Variants in AKAP12 observed in about 807,000 individuals in gnomAD.
The protein encoded by AKAP12 is A-kinase anchoring protein 12.
A neutral mutation model predicts 79.9 loss-of-function variants in AKAP12; 32 were observed. That is an observed-to-expected ratio of 0.40 (90% CI 0.30 to 0.54). AKAP12 has a LOEUF of 0.54. AKAP12 is among the 20% of genes least tolerant of loss of function. AKAP12 has a pLI of 0.48. For missense variants in AKAP12, 2,074 were observed against 2,177.0 expected (o/e 0.95, Z 0.94); for synonymous variants, 808 against 857.0 (o/e 0.94, Z 1.00).
chr6:151,334,869 CGCCTCG>C (rs764756433), intron 3 of AKAP12, among the ~76,000 whole-genome samples: 5 of 151,984 alleles, frequency 3.3e-5, no homozygotes, highest in Non-Finnish European at 5.9e-5. Context: ...GTGATCTGCC[CGCCTCG>C]GCCTCCTAGA....
chr6:151,324,218 A>G lies in AKAP12; in HGVS notation c.319+18315A>G, dbSNP rs1010920138. 3.7e-5 allele frequency: 36 copies of G among 985,356 alleles called. No individual in the cohort carries two copies. The African/African-American group carries it at 5.2e-4, about 14-fold the overall frequency. 61.0% of individuals were successfully genotyped at this position (985,356 alleles called of 1,614,324 possible). On this transcript the variant is annotated intron_variant, in intron 3 of 4. Transcript: ENST00000402676. ...AGCTCAGTGGCTGGGTCTGGGAGTC[A>G]GCTTCCAGGCAATATCTCACTGAGT...
rs2092357482 is a variant in AKAP12, at chr6:151,356,230, CAG to C, written c.*519_*520del. 6.6e-6 allele frequency: 1 copy of C among 152,572 alleles called. No homozygotes were observed. The highest frequency in any genetic ancestry group is 2.1e-4 in the South Asian group (1 of 4,830). 9.5% of individuals were successfully genotyped at this position (152,572 alleles called of 1,614,324 possible). ...CCTCAGTTATATAACCCACGAAAAA[CAG>C]AGCCTCCTAGATGTAACATTCCTGA... On this transcript the variant is annotated 3_prime_UTR_variant, in exon 5 of 5. Transcript: ENST00000402676.
At chr6:151,354,663 C>T (rs1023352231) in intron 4 of AKAP12, among the ~76,000 whole-genome samples, 3 of 151,974 alleles carry the variant, frequency 2.0e-5, no homozygotes, top group Non-Finnish European at 4.4e-5. Flanking sequence ...TGAGCCACCA[C>T]GCCCAGCCCT....
chr6:151,339,663 A>T (rs929454930), intron 3 of AKAP12, among the ~76,000 whole-genome samples: 1 of 152,150 alleles, frequency 6.6e-6, no homozygotes, highest in Non-Finnish European at 1.5e-5. Context: ...GGGCCAATAC[A>T]TAATGATGTG....
In AKAP12 at chr6:151,281,095, G is replaced by A. The variant is rs117799773; in HGVS notation, c.163-24652G>A. On this transcript the variant is annotated intron_variant, in intron 2 of 4. Transcript: ENST00000402676. ...GCTTTCATCCTGTTATTTCCTTAGG[G>A]TAAACATCTAGGCTTCATGCAAAGT... Among the ~76,000 whole-genome samples, 714 of 152,220 alleles carry A rather than the reference G, an allele frequency of 4.7e-3. 20 individuals are homozygous for A. In the East Asian group the frequency reaches 0.095, roughly 20 times the overall value.
chr6:151,254,256 A>G (rs1043983168), intron 2 of AKAP12, among the ~76,000 whole-genome samples: 12 of 152,216 alleles, frequency 7.9e-5, no homozygotes, highest in Non-Finnish European at 2.9e-5. Context: ...TAATGTGGGC[A>G]AAAACCCAGT....
chr6:151,309,681 G>C (rs184979530), intron 3 of AKAP12, among the ~76,000 whole-genome samples: 1 of 152,118 alleles, frequency 6.6e-6, no homozygotes, highest in Non-Finnish European at 1.5e-5. Context: ...ATTTGGGGAG[G>C]GGGCTTGATT....
chr6:151,322,831 G>A (rs112406305), intron 3 of AKAP12, among the ~76,000 whole-genome samples: 5 of 151,416 alleles, frequency 3.3e-5, no homozygotes, highest in South Asian at 2.1e-4. Context: ...GGTGTTTTGC[G>A]TAATAAATAT....
chr6:151,290,572 T>C (rs1258546102), intron 2 of AKAP12, among the ~76,000 whole-genome samples: 2 of 150,916 alleles, frequency 1.3e-5, no homozygotes, highest in Non-Finnish European at 2.9e-5. Context: ...TCCTCTCCCA[T>C]CCCCCTCACT....
chr6:151,327,366 G>A (rs1322477760), intron 3 of AKAP12, among the ~76,000 whole-genome samples: 1 of 151,828 alleles, frequency 6.6e-6, no homozygotes, highest in Non-Finnish European at 1.5e-5. Flanking sequence ...GCCATATCTC[G>A]AAACTATTAA....
chr6:151,344,619 T>C (rs1017600174), intron 3 of AKAP12, among the ~76,000 whole-genome samples: 8 of 151,568 alleles, frequency 5.3e-5, no homozygotes, highest in Admixed American at 4.6e-4. Flanking sequence ...CTGCAACCTC[T>C]GCCTCCCATG....
intron 3 of AKAP12, among the ~76,000 whole-genome samples, chr6:151,338,855 G>A (rs1437085888): frequency 6.6e-6 from 1 of 152,180 alleles, no homozygotes; most frequent in African/African-American, 2.4e-5. Flanking sequence ...ATGTTAAGGT[G>A]TTTTCCAATT....
intron 3 of AKAP12, among the ~76,000 whole-genome samples, chr6:151,315,948 G>A (rs766991570): frequency 1.4e-4 from 22 of 152,164 alleles, no homozygotes; most frequent in Admixed American, 5.9e-4. Context: ...CATGAGAACA[G>A]CATGAGGGTA....
chr6:151,254,158 G>A (rs1197691181), intron 2 of AKAP12, among the ~76,000 whole-genome samples: 4 of 152,144 alleles, frequency 2.6e-5, no homozygotes, highest in African/African-American at 7.2e-5. Flanking sequence ...CACTACAAAA[G>A]TTTACTAAAT....
intron 2 of AKAP12, among the ~76,000 whole-genome samples, chr6:151,271,566 C>T (rs541080046): frequency 1.3e-5 from 2 of 152,230 alleles, no homozygotes; most frequent in African/African-American, 4.8e-5. Flanking sequence ...AAGCAATCCG[C>T]CCACCTCGGC....
chr6:151,321,576 C>G (rs1333997322), intron 3 of AKAP12, among the ~76,000 whole-genome samples: 1 of 152,072 alleles, frequency 6.6e-6, no homozygotes, highest in African/African-American at 2.4e-5. Flanking sequence ...TTTTATTTAT[C>G]CCTGCATGAG....
rs1280982935 is a variant in AKAP12 at position 151,349,889 on chromosome 6, G to T, written c.1498G>T (p.Val500Leu). The T allele has an allele frequency of 3.7e-6, 6 of 1,614,196 alleles. No homozygotes were observed. Among genetic ancestry groups the T allele is most frequent in the Non-Finnish European group, 5.1e-6 (6 of 1,180,042 alleles). ...SKPPEGVVSE[V>L]EMLSSQERMK... The stretch of plus-strand genomic sequence containing the variant: ...ACCCCCCGAAGGCGTTGTGAGTGAG[G>T]TGGAAATGCTGTCATCACAGGAGAG... The change falls in exon 4 of 5, where the codon GTG (valine) becomes TTG (leucine). Residue 500 changes from valine to leucine, a missense_variant. Physicochemically the swap from Val to Leu is conservative, Grantham distance 32 (BLOSUM62 1). Transcript: ENST00000402676.
At chr6:151,259,571 T>G (rs1364932748) in intron 2 of AKAP12, among the ~76,000 whole-genome samples, 1 of 118,144 alleles carries the variant, frequency 8.5e-6, no homozygotes, top group Non-Finnish European at 1.6e-5. Flanking sequence ...TTATTGGCCC[T>G]TTTTTTCCTT....
In AKAP12 at chr6:151,356,572, G is replaced by C. The variant is rs1778447937; in HGVS notation, c.*858G>C. On this transcript the variant is annotated 3_prime_UTR_variant, in exon 5 of 5. Transcript: ENST00000402676. ...GTTATGAAGAAAAGAATTGTTGTAAGTTTTTGATTCTACTCTTATATGCTG... is the reference window on the plus strand; with the variant it reads ...GTTATGAAGAAAAGAATTGTTGTAACTTTTTGATTCTACTCTTATATGCTG... 2 of 152,192 alleles carry C rather than the reference G, an allele frequency of 1.3e-5. No homozygotes were observed. Among genetic ancestry groups the C allele is most frequent in the South Asian group, 4.1e-4 (2 of 4,828 alleles). 9.4% of individuals were successfully genotyped at this position (152,192 alleles called of 1,614,324 possible).
Sources: allele counts gnomAD v4.1 joint callset (sites outside exome capture counted in the v4.1 genomes callset), GRCh38; gene constraint gnomAD v4.1.1; transcripts MANE v1.5; gene names NCBI Gene and HGNC (gene_info 2026-07-23, HGNC 2026-07-21).